CNN3: variants seen among roughly 807,000 people sequenced by gnomAD.
CNN3 encodes the protein calponin-3.
In CNN3, 11 loss-of-function variants were observed where a neutral mutation model predicts 39.0. The observed-to-expected ratio is 0.28, with a 90% CI of 0.18 to 0.47. The LOEUF (loss-of-function observed/expected upper bound fraction) is 0.47, where lower values mean the gene tolerates loss of function less well. CNN3 is among the 20% of genes least tolerant of loss of function. The probability of loss-of-function intolerance (pLI) is 0.99; values close to 1 mark genes in which losing one functional copy is unlikely to be tolerated. For synonymous variants in CNN3, 101 were observed against 138.3 expected, an observed-to-expected ratio of 0.73 and a Z score of 1.89; for missense variants, 266 against 403.4, an observed-to-expected ratio of 0.66 and a Z score of 2.92.
At chr1:94,910,653 C>T (rs748961652) in intron 1 of CNN3, among the ~76,000 whole-genome samples, 4 of 152,226 alleles carry the variant, frequency 2.6e-5, no homozygotes, top group Non-Finnish European at 5.9e-5. Flanking sequence ...TTCCCAAGTT[C>T]CAGTGTGACC....
chr1:94,922,518 G>A (rs1417892104), intron 1 of CNN3, among the ~76,000 whole-genome samples: 1 of 152,162 alleles, frequency 6.6e-6, no homozygotes, highest in Non-Finnish European at 1.5e-5. Flanking sequence ...GGAAGAGACA[G>A]ATAATAAGCA....
chr1:94,920,779 G>A (rs1326919671), intron 1 of CNN3, among the ~76,000 whole-genome samples: 1 of 152,040 alleles, frequency 6.6e-6, no homozygotes, highest in African/African-American at 2.4e-5. Flanking sequence ...GTTCAAAAGG[G>A]TTCACATGGC....
At chr1:94,905,559 C>G (rs1340502114) in intron 1 of CNN3, among the ~76,000 whole-genome samples, 1 of 152,128 alleles carries the variant, frequency 6.6e-6, no homozygotes, top group Non-Finnish European at 1.5e-5. Flanking sequence ...TCCTTTGCAC[C>G]CTTTACCCAA....
intron 1 of CNN3, among the ~76,000 whole-genome samples, chr1:94,904,663 C>T (rs1670950840): frequency 6.6e-6 from 1 of 152,112 alleles, no homozygotes; most frequent in Non-Finnish European, 1.5e-5. Context: ...AGGAAGATCA[C>T]TTGAGCCCAC....
At chr1:94,899,293 A>G in intron 6 of CNN3, 78 bp downstream of exon 6, 1 of 1,449,674 alleles carries the variant, frequency 6.9e-7, no homozygotes, top group Non-Finnish European at 9.3e-7. Context: ...ACTATACAAA[A>G]AATACCTACT....
At chr1:94,918,416 C>T (rs769798144) in intron 1 of CNN3, among the ~76,000 whole-genome samples, 1 of 148,682 alleles carries the variant, frequency 6.7e-6, no homozygotes, top group Non-Finnish European at 1.5e-5. Context: ...ATCACTCGAA[C>T]CCGAGAGGCA....
Position 94,927,062 on chromosome 1 carries a change from T to A in CNN3, c.-168A>T. ...CGCGGGCGGTGCCTGGGCGACTGGG[T>A]CCAACTGGGTGCTACAGAGCCTCGA... On this transcript the variant is annotated 5_prime_UTR_variant, in exon 1 of 7. Transcript: ENST00000370206. 1.6e-6 allele frequency: 1 copy of A among 638,220 alleles called. No individual in the cohort carries two copies. Among genetic ancestry groups the A allele is most frequent in the Non-Finnish European group, 2.6e-6 (1 of 378,190 alleles). The allele number at this position is 638,220 out of a possible 1,614,324, so 39.5% of individuals were successfully genotyped here. A position where few individuals can be genotyped will look rare whatever the true frequency, so the allele number is the denominator to read the frequency against.
intron 1 of CNN3, chr1:94,925,491 G>A (rs1446855540): frequency 3.5e-6 from 2 of 565,744 alleles, no homozygotes; most frequent in East Asian, 1.4e-4. Flanking sequence ...GTTTGAAAAG[G>A]TAAAGGACCT....
intron 1 of CNN3, among the ~76,000 whole-genome samples, chr1:94,909,845 C>G (rs1046483804): frequency 2.0e-4 from 29 of 148,556 alleles, no homozygotes; most frequent in African/African-American, 7.2e-4. Context: ...ACGCCGAGAG[C>G]ATTCAGCTCA....
chr1:94,917,316 G>A (rs761546165), intron 1 of CNN3, among the ~76,000 whole-genome samples: 1 of 152,186 alleles, frequency 6.6e-6, no homozygotes, highest in Non-Finnish European at 1.5e-5. Context: ...AGGATTACAG[G>A]CGTGAGCCAC....
chr1:94,897,346 T>C lies in CNN3; in HGVS notation c.*396A>G, dbSNP rs986329984. 3 of 153,042 alleles carry C rather than the reference T, an allele frequency of 2.0e-5. No individual in the cohort carries two copies. Among genetic ancestry groups the C allele is most frequent in the Non-Finnish European group, 2.8e-5 (2 of 72,484 alleles). The allele number at this position is 153,042 out of a possible 1,614,324, so 9.5% of individuals were successfully genotyped here. On this transcript the variant is annotated 3_prime_UTR_variant, in exon 7 of 7. Coordinates refer to ENST00000370206, the MANE Select transcript of CNN3 (RefSeq NM_001839.5). ...CAATAAGCATGAGTTTAGTCTTCCATGTAGAAACCAGATACACTAAACTGT... is the reference window on the plus strand; with the variant it reads ...CAATAAGCATGAGTTTAGTCTTCCACGTAGAAACCAGATACACTAAACTGT...
intron 1 of CNN3, among the ~76,000 whole-genome samples, chr1:94,919,061 G>C (rs1028398558): frequency 5.3e-5 from 8 of 152,082 alleles, no homozygotes; most frequent in African/African-American, 1.7e-4. Context: ...AGAAAAAGAA[G>C]GGGGGGAAGC....
chr1:94,913,697 AGTT>A (rs1246565489), intron 1 of CNN3, among the ~76,000 whole-genome samples: 5 of 152,180 alleles, frequency 3.3e-5, no homozygotes, highest in African/African-American at 1.2e-4. Context: ...ATGACCTGGA[AGTT>A]TAGGAGAGGC....
intron 1 of CNN3, among the ~76,000 whole-genome samples, chr1:94,914,766 G>C (rs976059281): frequency 6.6e-6 from 1 of 152,208 alleles, no homozygotes; most frequent in African/African-American, 2.4e-5. Context: ...TTTTAAACAT[G>C]GGATAGATGC....
At chr1:94,901,872 G>A (rs2101718651) in intron 4 of CNN3, 87 bp from the exon 5 acceptor site, 1 of 915,596 alleles carries the variant, frequency 1.1e-6, no homozygotes, top group Non-Finnish European at 1.7e-6. Flanking sequence ...ATAGACAAAG[G>A]GGCCCAAACT....
intron 4 of CNN3, 51 bp from the exon 5 acceptor site, chr1:94,901,836 A>G (rs1428925544): frequency 7.7e-7 from 1 of 1,305,628 alleles, no homozygotes; most frequent in Non-Finnish European, 1.1e-6. Flanking sequence ...GTTTCACAGA[A>G]GGAACAACAA....
chr1:94,899,912 T>C (rs1670819397), intron 5 of CNN3, among the ~76,000 whole-genome samples: 1 of 152,236 alleles, frequency 6.6e-6, no homozygotes, highest in South Asian at 2.1e-4. Flanking sequence ...AGGAATGTTT[T>C]ACATAAAATG....
At chr1:94,900,477 T>C (rs1670834764) in intron 5 of CNN3, among the ~76,000 whole-genome samples, 2 of 152,274 alleles carry the variant, frequency 1.3e-5, no homozygotes, top group African/African-American at 2.4e-5. Flanking sequence ...GATGATCTGA[T>C]TTTTTTCCCC....
intron 1 of CNN3, among the ~76,000 whole-genome samples, chr1:94,913,709 G>A (rs1671219878): frequency 6.6e-6 from 1 of 152,176 alleles, no homozygotes; most frequent in South Asian, 2.1e-4. Context: ...TTTAGGAGAG[G>A]CAGGTTAGCT....
Sources: allele counts gnomAD v4.1 joint callset (sites outside exome capture counted in the v4.1 genomes callset), GRCh38; gene constraint gnomAD v4.1.1; transcripts MANE v1.5; gene names NCBI Gene and HGNC (gene_info 2026-07-23, HGNC 2026-07-21).